The following ITM2C variants were observed in gnomAD, a reference collection of about 807,000 sequenced individuals.
ITM2C encodes the protein BRICHOS domain containing 2C.
ITM2C carries 20 observed loss-of-function variants against 30.0 expected under a neutral mutation model. That is an observed-to-expected ratio of 0.67 (90% CI 0.47 to 0.97). ITM2C has a LOEUF of 0.97. Among genes scored for constraint, ITM2C ranks in the 50% least tolerant of loss-of-function variants. ITM2C has a pLI of 0.00. For missense variants in ITM2C, 366 were observed against 371.9 expected (o/e 0.98, Z 0.13); for synonymous variants, 167 against 156.4 (o/e 1.07, Z -0.51).
chr2:230,878,328 C>G lies in ITM2C; in HGVS notation c.*229C>G. 1 of 343,680 alleles carries G rather than the reference C, an allele frequency of 2.9e-6. No homozygotes were observed. Among genetic ancestry groups the G allele is most frequent in the Non-Finnish European group, 5.3e-6 (1 of 188,546 alleles). 21.3% of individuals were successfully genotyped at this position (343,680 alleles called of 1,614,324 possible). A position where few individuals can be genotyped will look rare whatever the true frequency, so the allele number is the denominator to read the frequency against. On this transcript the variant is annotated 3_prime_UTR_variant, in exon 6 of 6. Transcript: ENST00000326427. The surrounding 1 kb of genome is among the most constrained non-coding windows in gnomAD (Gnocchi z 4.5). ...GGGTGTGGCGGAGGGAGAGGCGATGCTGCAAAGTGTTTTCTGTGTCCCACT... is the reference window on the plus strand; with the variant it reads ...GGGTGTGGCGGAGGGAGAGGCGATGGTGCAAAGTGTTTTCTGTGTCCCACT...
intron 1 of ITM2C, among the ~76,000 whole-genome samples, chr2:230,867,095 G>A (rs1027641842): frequency 6.6e-5 from 10 of 152,194 alleles, no homozygotes; most frequent in Admixed American, 5.2e-4. Context: ...AGCCTGCTGA[G>A]TACCTCCTCC....
rs569262626 is a variant in ITM2C, at chr2:230,877,407, C to A, written c.569C>A (p.Thr190Asn). The stretch of plus-strand genomic sequence containing the variant: ...GGCCACCTTGTTTTGCAGAGGGGGA[C>A]CTACCTGCCGCAGACGTACATCATC... ...WELLMNVKRG[T>N]YLPQTYIIQE... Residue 190 changes from threonine (T) to asparagine (N), a missense_variant, in exon 5 of 6, where the codon ACC (threonine) becomes AAC (asparagine). Coordinates refer to ENST00000326427, the MANE Select transcript of ITM2C (RefSeq NM_030926.6). The surrounding 1 kb of genome is among the most constrained non-coding windows in gnomAD (Gnocchi z 4.8). 55 of 1,613,492 alleles carry A rather than the reference C, an allele frequency of 3.4e-5. No homozygotes were observed. Among genetic ancestry groups the A allele is most frequent in the Non-Finnish European group, 4.2e-5 (50 of 1,179,890 alleles).
intron 2 of ITM2C, 83 bp downstream of exon 2, chr2:230,873,640 G>T (rs567611635): frequency 1.5e-6 from 2 of 1,354,490 alleles, no homozygotes; most frequent in Admixed American, 2.4e-5. Context: ...CTGCAAGGGG[G>T]CAGCAGGAAG....
chr2:230,873,888 C>T (rs573169154), intron 2 of ITM2C, among the ~76,000 whole-genome samples: 2 of 152,368 alleles, frequency 1.3e-5, no homozygotes, highest in South Asian at 4.1e-4. Context: ...CTCCACAGCT[C>T]AGACCCTGCA....
rs1173118984 is a variant in ITM2C at position 230,877,220 on chromosome 2, G to A, written c.562-180G>A. Among the ~76,000 whole-genome samples the A allele has an allele frequency of 6.6e-6, 1 of 152,224 alleles. No individual in the cohort carries two copies. Among genetic ancestry groups the A allele is most frequent in the African/African-American group, 2.4e-5 (1 of 41,454 alleles). On this transcript the variant is annotated intron_variant, in intron 4 of 5. Transcript: ENST00000326427. The surrounding 1 kb of genome is among the most constrained non-coding windows in gnomAD (Gnocchi z 4.8). ...TTGTACCCTGGGTACGGACTCGTGCGCATGCCATTGCTCCTGGCAGCACAG... is the reference window on the plus strand; with the variant it reads ...TTGTACCCTGGGTACGGACTCGTGCACATGCCATTGCTCCTGGCAGCACAG...
chr2:230,868,702 G>T (rs988908538), intron 1 of ITM2C, among the ~76,000 whole-genome samples: 1 of 152,184 alleles, frequency 6.6e-6, no homozygotes, highest in Non-Finnish European at 1.5e-5. Context: ...TCAGGCCCTC[G>T]GCAGGAGGAG....
In ITM2C at chr2:230,866,088, G is replaced by C. The variant is rs3098326; in HGVS notation, c.120+943G>C. Among the ~76,000 whole-genome samples, 1,485 of 152,356 alleles carry C rather than the reference G, an allele frequency of 9.7e-3. 11 individuals carry two copies. Among genetic ancestry groups the C allele is most frequent in the Non-Finnish European group, 0.016 (1,067 of 68,042 alleles). On this transcript the variant is annotated intron_variant, in intron 1 of 5. Coordinates refer to ENST00000326427, the MANE Select transcript of ITM2C (RefSeq NM_030926.6). ...GCCTTGTGTCCGGGAAGGGCCCGCA[G>C]GGGGCAGAACGCGTGGCGGGCAGGG...
upstream of ITM2C, chr2:230,864,677 G>C (rs1416514103): frequency 6.4e-6 from 1 of 156,682 alleles, no homozygotes; most frequent in East Asian, 1.9e-4. This position sits in a 1 kb window ranked among gnomAD's most constrained non-coding sequence, Gnocchi z 4.3. Flanking sequence ...GAACGGATCC[G>C]AGCGTGACGG....
At chr2:230,867,618 C>T (rs1457498028) in intron 1 of ITM2C, among the ~76,000 whole-genome samples, 41 of 152,080 alleles carry the variant, frequency 2.7e-4, no homozygotes, top group Admixed American at 2.7e-3. Flanking sequence ...GGTGTCTGAA[C>T]TGGACTCCAA....
intron 1 of ITM2C, among the ~76,000 whole-genome samples, chr2:230,869,699 G>A (rs3111753): frequency 0.39 from 59,423 of 152,012 alleles, 13,399 homozygotes; most frequent in East Asian, 0.84. Context: ...GCCCGGGAGC[G>A]CTCCCTTCCA....
chr2:230,864,312 T>C (rs1239871517), upstream of ITM2C, among the ~76,000 whole-genome samples: 1 of 152,078 alleles, frequency 6.6e-6, no homozygotes, highest in Non-Finnish European at 1.5e-5. The surrounding 1 kb of genome is among the most constrained non-coding windows in gnomAD (Gnocchi z 4.3). Context: ...TCCAGGCGGC[T>C]CCAGCGTGCA....
Position 230,868,746 on chromosome 2 carries a change from G to A in ITM2C, c.120+3601G>A, listed in dbSNP as rs1344076876. Among the ~76,000 whole-genome samples the A allele has an allele frequency of 5.9e-5, 9 of 152,280 alleles. 3 individuals carry two copies. The highest frequency in any genetic ancestry group is 5.9e-4 in the Admixed American group (9 of 15,300). The stretch of plus-strand genomic sequence containing the variant: ...CCTGGAGCGGTTGGGGGAGGGTCCC[G>A]TGCCAGCCAGGAGGGCAAATCTGGC... On this transcript the variant is annotated intron_variant, in intron 1 of 5. Coordinates refer to ENST00000326427, the MANE Select transcript of ITM2C (RefSeq NM_030926.6).
intron 1 of ITM2C, among the ~76,000 whole-genome samples, chr2:230,867,391 C>A (rs1434817114): frequency 6.6e-5 from 10 of 152,216 alleles, no homozygotes. Flanking sequence ...CCTCCTTACC[C>A]AGTTTCTGGC....
chr2:230,873,244 G>A (rs920390076), intron 1 of ITM2C, 173 bp from the exon 2 acceptor site: 8 of 512,406 alleles, frequency 1.6e-5, no homozygotes, highest in East Asian at 1.0e-4. Context: ...TAGCCAGGAC[G>A]AGTCCGGGTG....
chr2:230,875,489 C>T, intron 2 of ITM2C, 131 bp from the exon 3 acceptor site: 3 of 754,062 alleles, frequency 4.0e-6, no homozygotes. Flanking sequence ...AAATGGGTCT[C>T]ACAGTCCCTG....
Position 230,864,978 on chromosome 2 carries a change from G to A in ITM2C, c.-48G>A. On this transcript the variant is annotated 5_prime_UTR_variant, in exon 1 of 6. Transcript: ENST00000326427. This position sits in a 1 kb window ranked among gnomAD's most constrained non-coding sequence, Gnocchi z 4.3. ...TCGGAGCGGCGGAGGCAGAGACCGA[G>A]GCTGCACCGGCAGAGGCTGCGGGGC... 1.4e-6 allele frequency: 2 copies of A among 1,420,656 alleles called. No homozygotes were observed. The highest frequency in any genetic ancestry group is 9.3e-7 in the Non-Finnish European group (1 of 1,076,544). 88.0% of individuals were successfully genotyped at this position (1,420,656 alleles called of 1,614,324 possible). A position where few individuals can be genotyped will look rare whatever the true frequency, so the allele number is the denominator to read the frequency against.
At chr2:230,872,000 C>A (rs781611135) in intron 1 of ITM2C, among the ~76,000 whole-genome samples, 9 of 152,236 alleles carry the variant, frequency 5.9e-5, no homozygotes, top group Non-Finnish European at 1.3e-4. Context: ...TGAACCACCC[C>A]CCTCCAGGGG....
At position 230,877,342 on chromosome 2, in the gene ITM2C, A is replaced by G; in HGVS notation, c.562-58A>G. The stretch of plus-strand genomic sequence containing the variant: ...GGGAGGTGGGCTGGCATTTCGGGCG[A>G]GGGGTTGGACGAAAGCCTGAGGGGC... On this transcript the variant is annotated intron_variant, in intron 4 of 5. Transcript: ENST00000326427. The surrounding 1 kb of genome is among the most constrained non-coding windows in gnomAD (Gnocchi z 4.8). The G allele has an allele frequency of 1.9e-6, 3 of 1,580,938 alleles. No individual in the cohort carries two copies. In the East Asian group the frequency reaches 6.7e-5, roughly 35 times the overall value.
intron 1 of ITM2C, among the ~76,000 whole-genome samples, chr2:230,866,652 A>T (rs1205918380): frequency 1.3e-5 from 2 of 152,148 alleles, no homozygotes; most frequent in Non-Finnish European, 2.9e-5. Flanking sequence ...TTTGAAGAAG[A>T]TGGTTCTGCA....
Sources: allele counts gnomAD v4.1 joint callset (sites outside exome capture counted in the v4.1 genomes callset), GRCh38; gene constraint gnomAD v4.1.1; non-coding constraint Gnocchi (gnomAD v3.1); transcripts MANE v1.5; gene names NCBI Gene and HGNC (gene_info 2026-07-23, HGNC 2026-07-21).